Variants in EWSR1 observed in about 807,000 individuals in gnomAD.
EWSR1 encodes RNA-binding protein EWS.
In EWSR1, 14 loss-of-function variants were observed where a neutral mutation model predicts 92.1. The ratio of observed to expected loss-of-function variants is 0.15; its 90% CI spans 0.10 to 0.24. The LOEUF (loss-of-function observed/expected upper bound fraction) is 0.24, where lower values mean the gene tolerates loss of function less well. EWSR1 is among the 10% of genes least tolerant of loss of function. EWSR1 has a pLI of 1.00. For missense variants in EWSR1, 637 were observed against 870.9 expected, an observed-to-expected ratio of 0.73 and a Z score of 3.38; for synonymous variants, 303 against 292.9, an observed-to-expected ratio of 1.03 and a Z score of -0.35.
At chr22:29,272,287 G>A in intron 2 of EWSR1, 35 bp downstream of exon 2, 5 of 1,613,620 alleles carry the variant, frequency 3.1e-6, no homozygotes, top group Non-Finnish European at 3.4e-6. Flanking sequence ...TTTTGTGTGT[G>A]ATTAATATTT....
intron 10 of EWSR1, 31 bp downstream of exon 10, chr22:29,292,200 C>T (rs1230660662): frequency 1.1e-5 from 18 of 1,607,838 alleles, no homozygotes; most frequent in East Asian, 2.2e-5. Flanking sequence ...TGCTTCATAT[C>T]GTGCTTTGTA....
At chr22:29,268,549 C>G (rs1259549807) in intron 1 of EWSR1, among the ~76,000 whole-genome samples, 200 bp downstream of exon 1, 1 of 152,090 alleles carries the variant, frequency 6.6e-6, no homozygotes, top group Non-Finnish European at 1.5e-5. Flanking sequence ...AATCTTCCGG[C>G]GCCCGTGGCG....
At chr22:29,299,076 C>G (rs946693809) in intron 14 of EWSR1, 158 bp from the exon 15 acceptor site, 1 of 1,446,790 alleles carries the variant, frequency 6.9e-7, no homozygotes, top group East Asian at 2.3e-5. Flanking sequence ...TTGATTTGAC[C>G]TGTCCTGTGG....
chr22:29,296,171 T>A lies in EWSR1; in HGVS notation c.1165-68T>A. 7 of 1,508,896 alleles carry A rather than the reference T, an allele frequency of 4.6e-6. No homozygotes were observed. The East Asian group carries it at 1.6e-4, about 35-fold the overall frequency. 93.5% of individuals were successfully genotyped at this position (1,508,896 alleles called of 1,614,324 possible). A position where few individuals can be genotyped will look rare whatever the true frequency, so the allele number is the denominator to read the frequency against. On this transcript the variant is annotated intron_variant, in intron 11 of 16. Coordinates refer to ENST00000397938, the MANE Select transcript of EWSR1 (RefSeq NM_005243.4). ...GAGAAATTGGTACTTTTCCTGGATTTTGCCTGGACTTTTTTCTCCCAAATT... is the reference window on the plus strand; with the variant it reads ...GAGAAATTGGTACTTTTCCTGGATTATGCCTGGACTTTTTTCTCCCAAATT...
chr22:29,287,610 G>T (rs1039847042), intron 7 of EWSR1, among the ~76,000 whole-genome samples: 4 of 152,168 alleles, frequency 2.6e-5, no homozygotes, highest in Non-Finnish European at 5.9e-5. Flanking sequence ...CATCTTGGAT[G>T]CCCCAGTGAA....
At chr22:29,276,789 T>TGAA (rs1360414588) in intron 4 of EWSR1, 1 of 231,138 alleles carries the variant, frequency 4.3e-6, no homozygotes, top group African/African-American at 2.2e-5. Context: ...TAGCTGGGAC[T>TGAA]GAAGGCTCAC....
intron 14 of EWSR1, 167 bp downstream of exon 14, chr22:29,299,062 A>G: frequency 2.2e-6 from 3 of 1,392,854 alleles, no homozygotes; most frequent in Non-Finnish European, 2.9e-6. Context: ...GAGCCTTCTG[A>G]AGATTGATTT....
At position 29,298,923 on chromosome 22, in the gene EWSR1, C is replaced by T. The variant is rs138074783; in HGVS notation, c.1580+28C>T. 1.5e-5 allele frequency: 23 copies of T among 1,521,946 alleles called. No homozygotes were observed. The African/African-American group carries it at 2.8e-4, about 18-fold the overall frequency. The allele number at this position is 1,521,946 out of a possible 1,614,324, so 94.3% of individuals were successfully genotyped here. A position where few individuals can be genotyped will look rare whatever the true frequency, so the allele number is the denominator to read the frequency against. The stretch of plus-strand genomic sequence containing the variant: ...ATGTACTTGTCTTGGCAAATTGATA[C>T]CCTACGAGTGAAGCCACCCTTCCCT... On this transcript the variant is annotated intron_variant, in intron 14 of 16. Coordinates refer to ENST00000397938, the MANE Select transcript of EWSR1 (RefSeq NM_005243.4).
intron 5 of EWSR1, among the ~76,000 whole-genome samples, chr22:29,280,674 GTT>G (rs1005931943): frequency 3.7e-5 from 5 of 134,952 alleles, no homozygotes; most frequent in Non-Finnish European, 4.8e-5. Context: ...GGTTTGGTTG[GTT>G]TTTTTTTTTT....
chr22:29,295,921 G>A (rs566364568), intron 11 of EWSR1: 75 of 297,584 alleles, frequency 2.5e-4, no homozygotes, highest in Non-Finnish European at 4.1e-4. Context: ...CTACCCCTAC[G>A]AGGTGGCTGT....
At chr22:29,272,796 A>G (rs2058786311) in intron 3 of EWSR1, among the ~76,000 whole-genome samples, 1 of 152,206 alleles carries the variant, frequency 6.6e-6, no homozygotes, top group African/African-American at 2.4e-5. Flanking sequence ...CAGTGCATAG[A>G]TATTAAGTAA....
At position 29,273,775 on chromosome 22, in the gene EWSR1, A is replaced by C. The variant is rs2058881968; in HGVS notation, c.137A>C (p.Gln46Pro). Residue 46 changes from glutamine (Q) to proline (P), a missense_variant, in exon 4 of 17, where the codon CAG becomes CCG. Transcript: ENST00000397938. The stretch of plus-strand genomic sequence containing the variant: ...CAACAAAGCTATGGAACCTATGGAC[A>C]GCCCACTGATGTCAGCTATACCCAG... ...YGQQSYGTYG[Q>P]PTDVSYTQAQ... 8 of 1,613,950 alleles carry C rather than the reference A, an allele frequency of 5.0e-6. No individual in the cohort carries two copies. Among genetic ancestry groups the C allele is most frequent in the Non-Finnish European group, 6.8e-6 (8 of 1,179,958 alleles).
chr22:29,299,287 C>T lies in EWSR1; in HGVS notation c.1634C>T (p.Ala545Val). 6.2e-7 allele frequency: 1 copy of T among 1,614,022 alleles called. No homozygotes were observed. The highest frequency in any genetic ancestry group is 1.3e-5 in the African/African-American group (1 of 75,036). ...AWRTECNQCK[A>V]PKPEGFLPPP... ...AGAACAGAGTGCAACCAGTGTAAGG[C>T]CCCAAAGCCTGAAGGCTTCCTCCCG... Residue 545 changes from alanine to valine, a missense_variant, in exon 15 of 17, where the codon GCC (alanine) becomes GTC (valine). Around this residue, in one of 5 missense-constraint regions of EWSR1, gnomAD observed 363 missense variants for 447.8 expected, o/e 0.81. Transcript: ENST00000397938.
chr22:29,276,696 T>C (rs2146960837), intron 4 of EWSR1: 1 of 230,332 alleles, frequency 4.3e-6, no homozygotes, highest in East Asian at 6.2e-5. Flanking sequence ...TTTTTTAAGA[T>C]AGGGTCTCTG....
chr22:29,272,627 T>C (rs1036251293), intron 3 of EWSR1, among the ~76,000 whole-genome samples, 196 bp downstream of exon 3: 7 of 152,224 alleles, frequency 4.6e-5, no homozygotes, highest in Non-Finnish European at 8.8e-5. Context: ...CAGAAGCTGA[T>C]AATTGACTCT....
chr22:29,282,300 C>G, intron 5 of EWSR1, 90 bp from the exon 6 acceptor site: 2 of 1,010,650 alleles, frequency 2.0e-6, no homozygotes, highest in Non-Finnish European at 2.8e-6. Flanking sequence ...TTGCTCGTAG[C>G]TTTGTAGCAT....
chr22:29,291,067 T>A (rs1398057262), intron 8 of EWSR1: 1 of 236,362 alleles, frequency 4.2e-6, no homozygotes, highest in African/African-American at 2.2e-5. Context: ...TCCTCTGATG[T>A]GTGTTGTAGG....
intron 5 of EWSR1, among the ~76,000 whole-genome samples, chr22:29,281,023 GCACCCAC>G (rs2059556160): frequency 6.6e-6 from 1 of 151,690 alleles, no homozygotes; most frequent in South Asian, 2.1e-4. Flanking sequence ...GGGACTACAG[GCACCCAC>G]CATGATGCCT....
chr22:29,294,884 G>A (rs900113386), intron 11 of EWSR1, among the ~76,000 whole-genome samples: 1 of 150,942 alleles, frequency 6.6e-6, no homozygotes, highest in African/African-American at 2.4e-5. Flanking sequence ...CTGCACTCCA[G>A]CCTGGCGACA....
Sources: gnomAD v4.1 joint callset for allele counts (sites outside exome capture counted in the v4.1 genomes callset) on GRCh38, gnomAD v4.1.1 for gene constraint, gnomAD v4.1.1 regional missense constraint, MANE v1.5 for transcripts, NCBI Gene and HGNC (gene_info 2026-07-23, HGNC 2026-07-21) for gene names.